The following ARHGAP45 variants were observed in gnomAD, a reference collection of about 807,000 sequenced individuals.
The protein encoded by ARHGAP45 is rho GTPase-activating protein 45.
ARHGAP45 carries 56 observed loss-of-function variants against 116.1 expected under a neutral mutation model. The ratio of observed to expected loss-of-function variants is 0.48; its 90% CI spans 0.39 to 0.60. ARHGAP45 has a LOEUF of 0.60. ARHGAP45 is among the 20% of genes least tolerant of loss of function. The probability of loss-of-function intolerance (pLI) is 0.00; values close to 1 mark genes in which losing one functional copy is unlikely to be tolerated. For missense variants in ARHGAP45, 1,622 were observed against 1,601.0 expected (o/e 1.01, Z -0.22); for synonymous variants, 866 against 701.7 (o/e 1.23, Z -3.70).
rs989057420 is a variant in ARHGAP45 at position 1,068,205 on chromosome 19, C to A, written c.91-209C>A. 6 of 555,628 alleles carry A rather than the reference C, an allele frequency of 1.1e-5. No individual in the cohort carries two copies. The highest frequency in any genetic ancestry group is 1.9e-5 in the Non-Finnish European group (6 of 323,308). The allele number at this position is 555,628 out of a possible 1,614,324, so 34.4% of individuals were successfully genotyped here. ...CCCCGGCTGTGGTTTGGGCAAGGACCGTTGTTTGTGAAAGCTCTAGGGAAG... is the reference window on the plus strand; with the variant it reads ...CCCCGGCTGTGGTTTGGGCAAGGACAGTTGTTTGTGAAAGCTCTAGGGAAG... On this transcript the variant is annotated intron_variant, in intron 1 of 22. Transcript: ENST00000313093. The surrounding 1 kb of genome is among the most constrained non-coding windows in gnomAD (Gnocchi z 7.5).
chr19:1,077,169 G>A (rs570703379), intron 10 of ARHGAP45: 297 of 985,368 alleles, frequency 3.0e-4, no homozygotes, highest in Non-Finnish European at 3.3e-4. Flanking sequence ...CTGCCTGGGC[G>A]GCTTCTCTGT....
Position 1,071,239 on chromosome 19 carries a change from AG to A in ARHGAP45, c.422-1909del. 1 of 1,470,798 alleles carries A rather than the reference AG, an allele frequency of 6.8e-7. No individual in the cohort carries two copies. Among genetic ancestry groups the A allele is most frequent in the Non-Finnish European group, 9.0e-7 (1 of 1,114,646 alleles). The allele number at this position is 1,470,798 out of a possible 1,614,324, so 91.1% of individuals were successfully genotyped here. A position where few individuals can be genotyped will look rare whatever the true frequency, so the allele number is the denominator to read the frequency against. ...TGGCCACCGGAGACCCCCATCGGTC[AG>A]CTGCCAGGCCCCACGCGCTCGCGGT... On this transcript the variant is annotated intron_variant, in intron 2 of 22. Transcript: ENST00000313093. This position sits in a 1 kb window ranked among gnomAD's most constrained non-coding sequence, Gnocchi z 4.6.
Position 1,079,831 on chromosome 19 carries a change from C to T in ARHGAP45, c.1503C>T (p.Thr501=), listed in dbSNP as rs1360730694. 1.2e-6 allele frequency: 2 copies of T among 1,605,992 alleles called. No homozygotes were observed. The highest frequency in any genetic ancestry group is 1.7e-6 in the Non-Finnish European group (2 of 1,174,482). The part of the protein sequence containing the change: ...IQEVIRQSDQ[T]IKSATISYYQ... ...AGGTCATCCGGCAGAGCGACCAAAC[C>T]ATCAAGTCGGTGCGTGGGGTGCTCC... Residue 501 remains threonine (T), a synonymous_variant, in exon 12 of 23, where the codon ACC becomes ACT. Transcript: ENST00000313093.
At position 1,075,894 on chromosome 19, in the gene ARHGAP45, G is replaced by A. The variant is rs886855183; in HGVS notation, c.1185+1015G>A. On this transcript the variant is annotated intron_variant, in intron 10 of 22. Transcript: ENST00000313093. ...CTCCTAGCTCCTTCCAGCACATACC[G>A]GCAAACACATATCTGCCCTGTTTTG... Among the ~76,000 whole-genome samples the A allele has an allele frequency of 3.9e-5, 6 of 152,104 alleles. No individual in the cohort carries two copies. In the South Asian group the frequency reaches 1.0e-3, roughly 26 times the overall value.
Position 1,073,251 on chromosome 19 carries a change from A to G in ARHGAP45, c.524A>G (p.Glu175Gly). 6.2e-7 allele frequency: 1 copy of G among 1,613,686 alleles called. No individual in the cohort carries two copies. The highest frequency in any genetic ancestry group is 8.5e-7 in the Non-Finnish European group (1 of 1,180,016). The stretch of plus-strand genomic sequence containing the variant: ...AAGTACCCGCTGCTGAACACCGTGG[A>G]GACGCTCACCGCAGCCGGCACCCTC... ...ISKYPLLNTV[E>G]TLTAAGTLIA... The change falls in exon 3 of 23, where the codon GAG (glutamate) becomes GGG (glycine). Residue 175 changes from glutamate to glycine, a missense_variant. By Grantham distance (98) the Glu-to-Gly change is moderately conservative (BLOSUM62 -2). Transcript: ENST00000313093.
At chr19:1,072,860 AC>A (rs901717247) in intron 2 of ARHGAP45, among the ~76,000 whole-genome samples, 2 of 152,296 alleles carry the variant, frequency 1.3e-5, no homozygotes. Context: ...GGGCTGCAGG[AC>A]TGTAGCTTGA....
At chr19:1,066,199 TG>T, upstream of ARHGAP45, 1 of 1,294,606 alleles carries the variant, frequency 7.7e-7, no homozygotes. Flanking sequence ...GGAAAGAGGT[TG>T]GGGTTTTGGG....
intron 19 of ARHGAP45, 55 bp from the exon 20 acceptor site, chr19:1,082,785 C>A: frequency 7.1e-7 from 1 of 1,400,904 alleles, no homozygotes; most frequent in South Asian, 1.5e-5. Context: ...GTGGCAGGCA[C>A]ACGTGGGGGC....
Position 1,085,724 on chromosome 19 carries a change from A to G in ARHGAP45, c.3129A>G (p.Ser1043=), listed in dbSNP as rs758210602. 2 of 1,610,598 alleles carry G rather than the reference A, an allele frequency of 1.2e-6. No homozygotes were observed. The highest frequency in any genetic ancestry group is 1.6e-4 in the Middle Eastern group (1 of 6,062). Residue 1043 remains serine (S), a synonymous_variant, in exon 23 of 23, where the codon TCA becomes TCG. Transcript: ENST00000313093. ...DLEEASELLS[S]SEASALGHLS... is the part of the protein sequence containing the mutation. ...AGGAGGCCTCCGAGCTGCTGTCCTC[A>G]TCGGAGGCCAGTGCCCTGGGCCACC... is the stretch of plus-strand genomic sequence containing the variant.
rs538116656 is a variant in ARHGAP45 at position 1,069,277 on chromosome 19, G to C, written c.421+533G>C. Among the ~76,000 whole-genome samples, 5 of 152,268 alleles carry C rather than the reference G, an allele frequency of 3.3e-5. No homozygotes were observed. In the South Asian group the frequency reaches 1.0e-3, roughly 32 times the overall value. ...GGTCATCAGGCGGCGGAGGTGCTGG[G>C]ACCCAGCGGCCTGCAGGCCGGCAGT... On this transcript the variant is annotated intron_variant, in intron 2 of 22. Coordinates refer to ENST00000313093, the MANE Select transcript of ARHGAP45 (RefSeq NM_012292.5). This position sits in a 1 kb window ranked among gnomAD's most constrained non-coding sequence, Gnocchi z 4.1.
chr19:1,081,144 C>A, intron 17 of ARHGAP45, 80 bp downstream of exon 17: 1 of 1,445,330 alleles, frequency 6.9e-7, no homozygotes, highest in South Asian at 1.3e-5. Context: ...TGTGTGCCCT[C>A]AGGAATGTCC....
intron 19 of ARHGAP45, 140 bp downstream of exon 19, chr19:1,082,101 T>C: frequency 1.4e-5 from 1 of 69,872 alleles, no homozygotes; most frequent in Non-Finnish European, 2.5e-5. Context: ...GAGGACAGGG[T>C]GGGCGGGACA....
upstream of ARHGAP45, chr19:1,067,137 G>A (rs2043048486): frequency 1.7e-6 from 2 of 1,166,206 alleles, no homozygotes; most frequent in Non-Finnish European, 2.1e-6. Flanking sequence ...CGGGGCTGGG[G>A]GCGGGGCCTG....
At chr19:1,079,503 CAAA>C (rs35895776) in intron 11 of ARHGAP45, among the ~76,000 whole-genome samples, 197 bp from the exon 12 acceptor site, 7 of 112,238 alleles carry the variant, frequency 6.2e-5, no homozygotes, top group African/African-American at 1.4e-4. Flanking sequence ...GACTCCATCT[CAAA>C]AAAAAAAAAA....
Position 1,067,794 on chromosome 19 carries a change from G to T in ARHGAP45, c.90+299G>T, listed in dbSNP as rs556674002. ...CGATGTTGTGTTTGGGCCGCTGCAGGTTGGGGGCTTAGGCAATCTGGGGGC... is the reference window on the plus strand; with the variant it reads ...CGATGTTGTGTTTGGGCCGCTGCAGTTTGGGGGCTTAGGCAATCTGGGGGC... On this transcript the variant is annotated intron_variant, in intron 1 of 22. Coordinates refer to ENST00000313093, the MANE Select transcript of ARHGAP45 (RefSeq NM_012292.5). 78 of 624,872 alleles carry T rather than the reference G, an allele frequency of 1.2e-4. 1 individual carries two copies. In the South Asian group the frequency reaches 1.3e-3, roughly 11 times the overall value. The allele number at this position is 624,872 out of a possible 1,614,324, so 38.7% of individuals were successfully genotyped here.
upstream of ARHGAP45, chr19:1,066,412 A>G (rs985949948): frequency 3.6e-6 from 2 of 548,280 alleles, no homozygotes; most frequent in Admixed American, 3.2e-5. Context: ...CCGGTGGTCC[A>G]GAGTCACTGG....
chr19:1,085,593 T>TCCC, intron 22 of ARHGAP45, 67 bp from the exon 23 acceptor site: 1 of 1,199,628 alleles, frequency 8.3e-7, no homozygotes, highest in South Asian at 1.5e-5. Flanking sequence ...CTCCTGTCTG[T>TCCC]CCCTCCCCTT....
At chr19:1,067,115 G>A, upstream of ARHGAP45, 1 of 1,089,016 alleles carries the variant, frequency 9.2e-7, no homozygotes, top group Non-Finnish European at 1.1e-6. Context: ...GGCGGAAGCG[G>A]GGGGCGCGGC....
rs1255199404 is a variant in ARHGAP45 at position 1,073,604 on chromosome 19, C to T, written c.650+14C>T. ...CTTCAGTAGCACGTGAGCACGGGAG[C>T]CTGTGGGGCAGGGCAAGGGAGCGTG... is the stretch of plus-strand genomic sequence containing the variant. On this transcript the variant is annotated intron_variant, in intron 4 of 22. Transcript: ENST00000313093. 9.9e-6 allele frequency: 16 copies of T among 1,613,484 alleles called. No individual in the cohort carries two copies. The highest frequency in any genetic ancestry group is 1.4e-5 in the Non-Finnish European group (16 of 1,179,696).
Sources: allele counts gnomAD v4.1 joint callset (sites outside exome capture counted in the v4.1 genomes callset), GRCh38; gene constraint gnomAD v4.1.1; non-coding constraint Gnocchi (gnomAD v3.1); transcripts MANE v1.5; gene names NCBI Gene and HGNC (gene_info 2026-07-23, HGNC 2026-07-21).